The following PRR16 variants were observed in gnomAD, a reference collection of about 807,000 sequenced individuals.
PRR16 encodes the protein protein Largen.
PRR16 carries 6 observed loss-of-function variants against 18.2 expected under a neutral mutation model. The observed-to-expected ratio is 0.33, with a 90% CI of 0.18 to 0.65. PRR16 has a LOEUF of 0.65. Among genes scored for constraint, PRR16 ranks in the 30% least tolerant of loss-of-function variants. The pLI is 0.74. For missense variants in PRR16, 412 were observed against 376.6 expected, an observed-to-expected ratio of 1.09 and a Z score of -0.78; for synonymous variants, 151 against 147.8, an observed-to-expected ratio of 1.02 and a Z score of -0.16.
At chr5:120,636,859 AGAGT>A (rs1755244234) in intron 1 of PRR16, among the ~76,000 whole-genome samples, 3 of 152,164 alleles carry the variant, frequency 2.0e-5, no homozygotes, top group Admixed American at 1.3e-4. Context: ...GCCAACCCAC[AGAGT>A]GAGAGAAAAA....
the PRR16 span, among the ~76,000 whole-genome samples, chr5:120,775,257 C>A: frequency 6.6e-6 from 1 of 152,114 alleles, no homozygotes; most frequent in East Asian, 1.9e-4. Context: ...ATATACTATA[C>A]AGTTAAGTAG....
chr5:120,498,324 C>T (rs1183423817), intron 1 of PRR16, among the ~76,000 whole-genome samples: 2 of 148,304 alleles, frequency 1.3e-5, no homozygotes, highest in Non-Finnish European at 3.0e-5. Flanking sequence ...TATATATACA[C>T]ATACATATAT....
At chr5:120,487,531 C>T (rs1368494651) in intron 1 of PRR16, among the ~76,000 whole-genome samples, 4 of 152,148 alleles carry the variant, frequency 2.6e-5, no homozygotes, top group Non-Finnish European at 5.9e-5. Context: ...TGCTTATCAG[C>T]TTAAGGAGAT....
At chr5:120,754,171 A>ATTAT in the PRR16 span, among the ~76,000 whole-genome samples, 1 of 91,674 alleles carries the variant, frequency 1.1e-5, no homozygotes, top group Non-Finnish European at 2.1e-5. Context: ...ATATAAATAT[A>ATTAT]AATATAAATA....
intron 1 of PRR16, among the ~76,000 whole-genome samples, chr5:120,663,665 T>C (rs1416575582): frequency 6.6e-6 from 1 of 152,206 alleles, no homozygotes; most frequent in Non-Finnish European, 1.5e-5. Flanking sequence ...ACAACTTTTC[T>C]TCTATCTAAG....
the PRR16 span, among the ~76,000 whole-genome samples, chr5:120,768,028 T>G: frequency 6.6e-6 from 1 of 151,880 alleles, no homozygotes; most frequent in South Asian, 2.1e-4. Flanking sequence ...TTTAAAATAG[T>G]GTTATCACCC....
intron 1 of PRR16, among the ~76,000 whole-genome samples, chr5:120,685,521 TG>T (rs1277162281): frequency 5.9e-5 from 9 of 152,298 alleles, no homozygotes; most frequent in African/African-American, 1.9e-4. Context: ...AAGTCTCTGT[TG>T]GTCTCAAGAA....
chr5:120,644,436 T>C (rs1323688811), intron 1 of PRR16, among the ~76,000 whole-genome samples: 1 of 152,034 alleles, frequency 6.6e-6, no homozygotes, highest in Non-Finnish European at 1.5e-5. Flanking sequence ...TTTGTTCATA[T>C]TCTTATTAAA....
Position 120,646,048 on chromosome 5 carries a change from T to TTA in PRR16, c.160-39880_160-39879dup, listed in dbSNP as rs10606917. 3.7e-3 allele frequency among the ~76,000 whole-genome samples: 391 copies of TTA among 104,980 alleles called. 10 individuals carry two copies. Among genetic ancestry groups the TTA allele is most frequent in the East Asian group, 0.015 (39 of 2,580 alleles). 68.9% of individuals were successfully genotyped at this position (104,980 alleles called of 152,430 possible). On this transcript the variant is annotated intron_variant, in intron 1 of 1. Coordinates refer to ENST00000407149, the MANE Select transcript of PRR16 (RefSeq NM_001300783.2). ...CAAATTACAAAAAAAAATACATATT[T>TTA]TATATATATATATATATATATATAT...
chr5:120,468,664 G>A (rs558844266), intron 1 of PRR16, among the ~76,000 whole-genome samples: 33 of 152,234 alleles, frequency 2.2e-4, no homozygotes, highest in African/African-American at 7.7e-4. Flanking sequence ...AGATCTCACT[G>A]GTAAACTATT....
intron 1 of PRR16, among the ~76,000 whole-genome samples, chr5:120,581,109 T>G (rs1422836352): frequency 6.6e-6 from 1 of 152,198 alleles, no homozygotes; most frequent in Non-Finnish European, 1.5e-5. Flanking sequence ...CCAGCTCCTC[T>G]TTGTATTTCT....
intron 1 of PRR16, among the ~76,000 whole-genome samples, chr5:120,494,430 C>T (rs576387537): frequency 5.3e-5 from 8 of 151,956 alleles, no homozygotes; most frequent in African/African-American, 1.9e-4. Flanking sequence ...CTTGCCTTGT[C>T]TGTTATGTCT....
chr5:120,631,870 A>G (rs1356941656), intron 1 of PRR16, among the ~76,000 whole-genome samples: 4 of 152,142 alleles, frequency 2.6e-5, no homozygotes, highest in South Asian at 4.1e-4. Context: ...ACCTTCCCCC[A>G]TAGGACCTCA....
chr5:120,502,138 A>G (rs907941353), intron 1 of PRR16, among the ~76,000 whole-genome samples: 1 of 151,296 alleles, frequency 6.6e-6, no homozygotes, highest in African/African-American at 2.4e-5. Context: ...CTTTGTTTCA[A>G]TAATTTCACT....
chr5:120,505,968 A>G (rs1750632656), intron 1 of PRR16, among the ~76,000 whole-genome samples: 1 of 149,974 alleles, frequency 6.7e-6, no homozygotes, highest in South Asian at 2.1e-4. Context: ...ATATATATAT[A>G]TACACATTTT....
chr5:120,612,261 A>G (rs1303105587), intron 1 of PRR16, among the ~76,000 whole-genome samples: 1 of 152,170 alleles, frequency 6.6e-6, no homozygotes, highest in Non-Finnish European at 1.5e-5. Flanking sequence ...GAAACTTGGA[A>G]CTGTGGACTT....
At chr5:120,754,601 ATCG>A in the PRR16 span, among the ~76,000 whole-genome samples, 1 of 85,730 alleles carries the variant, frequency 1.2e-5, no homozygotes, top group African/African-American at 4.7e-5. Flanking sequence ...TATAATATAT[ATCG>A]TTATATATTA....
At chr5:120,646,788 A>G (rs1036912318) in intron 1 of PRR16, among the ~76,000 whole-genome samples, 2 of 151,986 alleles carry the variant, frequency 1.3e-5, no homozygotes, top group South Asian at 2.1e-4. Flanking sequence ...ATATCTAACA[A>G]TGTTACAGGT....
chr5:120,656,817 G>A lies in PRR16; in HGVS notation c.160-29137G>A, dbSNP rs565221995. Among the ~76,000 whole-genome samples the A allele has an allele frequency of 3.3e-5, 5 of 151,942 alleles. 1 individual carries two copies. The East Asian group carries it at 5.8e-4, about 18-fold the overall frequency. On this transcript the variant is annotated intron_variant, in intron 1 of 1. Coordinates refer to ENST00000407149, the MANE Select transcript of PRR16 (RefSeq NM_001300783.2). ...TGGGAATTTATTTCATTCAACCTAC[G>A]TTTATTATGAGATTACCAACTGTCT...
Sources: gnomAD v4.1 joint callset for allele counts (sites outside exome capture counted in the v4.1 genomes callset) on GRCh38, gnomAD v4.1.1 for gene constraint, MANE v1.5 for transcripts, NCBI Gene and HGNC (gene_info 2026-07-23, HGNC 2026-07-21) for gene names.